The following SKOR2 variants were observed in gnomAD, a reference collection of about 807,000 sequenced individuals.
SKOR2 encodes the protein SKI family transcriptional corepressor 2, also known as LBX1 corepressor 1-like protein.
In SKOR2, 47 loss-of-function variants were observed where a neutral mutation model predicts 69.1. That is an observed-to-expected ratio of 0.68 (90% confidence interval 0.54 to 0.87). The LOEUF is 0.87. Among genes scored for constraint, SKOR2 ranks in the 40% least tolerant of loss-of-function variants. SKOR2 has a pLI of 0.00. For missense variants in SKOR2, 1,404 were observed against 1,472.2 expected (o/e 0.95, Z 0.76); for synonymous variants, 717 against 672.6 (o/e 1.07, Z -1.02).
rs991289030 is a variant in SKOR2 at position 47,230,878 on chromosome 18, A to G, written c.2818+57T>C. ...TGGAGAACAAAAATATCCTCCTATTATCTCCACAGTCGTTTAAAGCTAAGA... is the reference window on the plus strand; with the variant it reads ...TGGAGAACAAAAATATCCTCCTATTGTCTCCACAGTCGTTTAAAGCTAAGA... On this transcript the variant is annotated intron_variant, in intron 5 of 8. Coordinates refer to ENST00000425639, the MANE Select transcript of SKOR2 (RefSeq NM_001278063.4). 4.0e-6 allele frequency: 6 copies of G among 1,485,452 alleles called. No homozygotes were observed. The South Asian group carries it at 7.3e-5, about 18-fold the overall frequency. 92.0% of individuals were successfully genotyped at this position (1,485,452 alleles called of 1,614,324 possible).
chr18:47,229,577 C>G (rs2064190085), intron 6 of SKOR2, among the ~76,000 whole-genome samples: 1 of 152,058 alleles, frequency 6.6e-6, no homozygotes, highest in Non-Finnish European at 1.5e-5. Context: ...TTGCTTGAAC[C>G]CAGGTGGCAG....
intron 2 of SKOR2, 140 bp downstream of exon 2, chr18:47,246,431 C>G (rs1411236783): frequency 2.2e-5 from 24 of 1,109,540 alleles, no homozygotes; most frequent in African/African-American, 3.3e-5. Context: ...AGGAAAGAAG[C>G]CCTCCTAAAC....
intron 4 of SKOR2, among the ~76,000 whole-genome samples, chr18:47,241,461 C>G (rs574723504): frequency 9.2e-5 from 14 of 152,218 alleles, no homozygotes; most frequent in Non-Finnish European, 1.3e-4. Flanking sequence ...GGGCCCCAGT[C>G]TGGGATTTTC....
At chr18:47,251,288 T>A in intron 1 of SKOR2, 86 bp downstream of exon 1, 1 of 151,936 alleles carries the variant, frequency 6.6e-6, no homozygotes, top group East Asian at 1.9e-4. Flanking sequence ...CCCCTCAACC[T>A]AACGCGGAAA....
Position 47,230,951 on chromosome 18 carries a change from T to G in SKOR2, c.2802A>C (p.Val934=). 1 of 1,535,896 alleles carries G rather than the reference T, an allele frequency of 6.5e-7. No homozygotes were observed. Among genetic ancestry groups the G allele is most frequent in the Non-Finnish European group, 8.7e-7 (1 of 1,146,784 alleles). Reference sequence around the variant, plus strand: ...TTCATTTACCTTTCCCCATATTTTCTACATCCTTTTTCAGTGAATGAGGTG... The same window carrying G: ...TTCATTTACCTTTCCCCATATTTTCGACATCCTTTTTCAGTGAATGAGGTG... ...TNSPHSLKKD[V]ENMGKEELQK... is the part of the protein sequence containing the mutation. The change falls in exon 5 of 9, where the codon GTA becomes GTC. Residue 934 remains valine (V), a synonymous_variant. Transcript: ENST00000425639.
In SKOR2 at chr18:47,246,838, G is replaced by C. The variant is rs192360549; in HGVS notation, c.2346C>G (p.Val782=). 2,766 of 1,474,182 alleles carry C rather than the reference G, an allele frequency of 1.9e-3. 56 individuals are homozygous for C. The African/African-American group carries it at 0.037, about 20-fold the overall frequency. The allele number at this position is 1,474,182 out of a possible 1,614,324, so 91.3% of individuals were successfully genotyped here. ...ETEVLLGDPL[V]GGGRFLQGRG... Reference sequence around the variant, plus strand: ...GGCCCTGGAGGAACCGGCCGCCCCCGACTAAGGGGTCGCCGAGTAGGACCT... The same window carrying C: ...GGCCCTGGAGGAACCGGCCGCCCCCCACTAAGGGGTCGCCGAGTAGGACCT... The change falls in exon 2 of 9, where the codon GTC becomes GTG. Residue 782 remains valine, a synonymous_variant. Transcript: ENST00000425639.
At position 47,232,525 on chromosome 18, in the gene SKOR2, G is replaced by A. The variant is rs1049699610; in HGVS notation, c.2753-1525C>T. On this transcript the variant is annotated intron_variant, in intron 4 of 8. Coordinates refer to ENST00000425639, the MANE Select transcript of SKOR2 (RefSeq NM_001278063.4). ...GAGGTGTGGTAGAACAAACAAAGGG[G>A]CTCTGAGGCCTCATGGATCCCCCTC... Among the ~76,000 whole-genome samples, 7 of 152,128 alleles carry A rather than the reference G, an allele frequency of 4.6e-5. No individual in the cohort carries two copies. In the East Asian group the frequency reaches 1.3e-3, roughly 29 times the overall value.
chr18:47,211,477 C>T (rs2064127739), intron 8 of SKOR2, among the ~76,000 whole-genome samples: 6 of 152,158 alleles, frequency 3.9e-5, no homozygotes, highest in Admixed American at 3.9e-4. Flanking sequence ...TGAATATAGC[C>T]ATTGAATTTT....
intron 4 of SKOR2, among the ~76,000 whole-genome samples, chr18:47,236,527 C>T (rs2064224397): frequency 6.6e-6 from 1 of 152,130 alleles, no homozygotes; most frequent in African/African-American, 2.4e-5. Flanking sequence ...GGGTGGGGGG[C>T]TTTGGGAGGT....
chr18:47,207,277 G>A (rs1193387264), intron 8 of SKOR2, among the ~76,000 whole-genome samples: 1 of 152,100 alleles, frequency 6.6e-6, no homozygotes, highest in Non-Finnish European at 1.5e-5. Context: ...TATGAGTGGA[G>A]GTTTTGTGAT....
intron 7 of SKOR2, among the ~76,000 whole-genome samples, chr18:47,217,300 C>G (rs1195248180): frequency 6.6e-6 from 1 of 152,112 alleles, no homozygotes; most frequent in Non-Finnish European, 1.5e-5. Context: ...CTCACTTGCA[C>G]CTTATAATAT....
intron 6 of SKOR2, 59 bp from the exon 7 acceptor site, chr18:47,220,069 A>C: frequency 7.0e-7 from 1 of 1,437,828 alleles, no homozygotes; most frequent in Non-Finnish European, 9.4e-7. Flanking sequence ...CTTTTAGTTT[A>C]GCTAGTAAAA....
In SKOR2 at chr18:47,247,994, T is replaced by C; in HGVS notation, c.1190A>G (p.Lys397Arg). The C allele has an allele frequency of 1.4e-6, 2 of 1,416,458 alleles. No homozygotes were observed. Among genetic ancestry groups the C allele is most frequent in the Non-Finnish European group, 1.8e-6 (2 of 1,087,938 alleles). The allele number at this position is 1,416,458 out of a possible 1,614,324, so 87.7% of individuals were successfully genotyped here. ...GAAGAGCCCGCCGCAGCCCGGGAAC[T>C]TCTGCAGGACGCCCCCGAACGAGCC... The part of the protein sequence containing the change: ...SKGSFGGVLQ[K>R]FPGCGGLFPH... Residue 397 changes from lysine (K) to arginine (R), a missense_variant, in exon 2 of 9, where the codon AAG becomes AGG. By Grantham distance (26) the Lys-to-Arg change is conservative. This residue lies in a region of SKOR2 where 1,266 missense variants were observed against 1,309.9 expected (regional missense o/e 0.97). Coordinates refer to ENST00000425639, the MANE Select transcript of SKOR2 (RefSeq NM_001278063.4). This position sits in a 1 kb window ranked among gnomAD's most constrained non-coding sequence, Gnocchi z 6.6.
chr18:47,210,708 G>T (rs530663387), intron 8 of SKOR2, among the ~76,000 whole-genome samples: 1 of 152,156 alleles, frequency 6.6e-6, no homozygotes, highest in East Asian at 1.9e-4. Flanking sequence ...TTAATATATA[G>T]AACAGAGCCA....
At chr18:47,215,336 CAAA>C (rs2064140692) in intron 7 of SKOR2, among the ~76,000 whole-genome samples, 1 of 151,896 alleles carries the variant, frequency 6.6e-6, no homozygotes, top group Non-Finnish European at 1.5e-5. Context: ...AAATATAATG[CAAA>C]ATAGTAATGG....
chr18:47,239,296 A>G (rs114267408), intron 4 of SKOR2, among the ~76,000 whole-genome samples: 247 of 152,034 alleles, frequency 1.6e-3, no homozygotes, highest in African/African-American at 5.6e-3. Flanking sequence ...TCTACATTGA[A>G]TGACTTCCCC....
chr18:47,226,524 T>G lies in SKOR2; in HGVS notation c.2917+3935A>C, dbSNP rs188481640. Among the ~76,000 whole-genome samples the G allele has an allele frequency of 2.5e-3, 377 of 152,254 alleles. 2 individuals carry two copies. Among genetic ancestry groups the G allele is most frequent in the African/African-American group, 8.7e-3 (360 of 41,552 alleles). On this transcript the variant is annotated intron_variant, in intron 6 of 8. Transcript: ENST00000425639. ...TCAATTCCAGCTTCTCCTTTTTCCT[T>G]AGTATATCCTCCCTACCTCTCTGTT...
At chr18:47,232,262 C>T (rs1008335316) in intron 4 of SKOR2, among the ~76,000 whole-genome samples, 1 of 152,136 alleles carries the variant, frequency 6.6e-6, no homozygotes, top group Non-Finnish European at 1.5e-5. Flanking sequence ...ACTGCTCTTC[C>T]TCGACCAAAG....
intron 4 of SKOR2, among the ~76,000 whole-genome samples, chr18:47,236,001 T>C (rs1486455215): frequency 1.3e-5 from 2 of 152,136 alleles, no homozygotes; most frequent in Admixed American, 6.5e-5. Flanking sequence ...GTCTCCCTTT[T>C]TGAGACAAGT....
Sources: gnomAD v4.1 joint callset for allele counts (sites outside exome capture counted in the v4.1 genomes callset) on GRCh38, gnomAD v4.1.1 for gene constraint, gnomAD v4.1.1 regional missense constraint, Gnocchi (gnomAD v3.1) non-coding constraint, MANE v1.5 for transcripts, NCBI Gene and HGNC (gene_info 2026-07-23, HGNC 2026-07-21) for gene names.